The following AMBRA1 variants were observed in gnomAD, a reference collection of about 807,000 sequenced individuals.
AMBRA1 encodes the protein activating molecule in BECN1-regulated autophagy protein 1.
A neutral mutation model predicts 125.4 loss-of-function variants in AMBRA1; 47 were observed. That is an observed-to-expected ratio of 0.37 (90% CI 0.30 to 0.48). The LOEUF is 0.48. Ranked by LOEUF, AMBRA1 falls within the 20% of genes least tolerant of loss-of-function variation. AMBRA1 has a pLI of 0.99. For synonymous variants in AMBRA1, 626 were observed against 655.5 expected (o/e 0.95, Z 0.69); for missense variants, 1,331 against 1,693.4 (o/e 0.79, Z 3.76).
intron 11 of AMBRA1, 41 bp downstream of exon 11, chr11:46,493,567 G>T: frequency 1.3e-6 from 2 of 1,504,784 alleles, no homozygotes; most frequent in Non-Finnish European, 1.8e-6. Context: ...CTGGCTCCTT[G>T]GCCCTTCACA....
chr11:46,473,513 T>C (rs1949688426), intron 11 of AMBRA1, among the ~76,000 whole-genome samples: 1 of 152,246 alleles, frequency 6.6e-6, no homozygotes, highest in African/African-American at 2.4e-5. Flanking sequence ...TTCTTCCTGT[T>C]ACTTGTGGGG....
chr11:46,571,953 G>A (rs1438076914), intron 1 of AMBRA1, among the ~76,000 whole-genome samples: 1 of 152,052 alleles, frequency 6.6e-6, no homozygotes, highest in Non-Finnish European at 1.5e-5. Context: ...CTCCCAAAGT[G>A]CTGAGATTAC....
chr11:46,552,826 A>G (rs1305169633), intron 1 of AMBRA1, among the ~76,000 whole-genome samples: 1 of 152,132 alleles, frequency 6.6e-6, no homozygotes, highest in African/African-American at 2.4e-5. Flanking sequence ...AATACTAACC[A>G]TGGTTGTCTC....
At chr11:46,478,811 T>C (rs1324452856) in intron 11 of AMBRA1, among the ~76,000 whole-genome samples, 2 of 151,912 alleles carry the variant, frequency 1.3e-5, no homozygotes, top group African/African-American at 2.4e-5. Context: ...TGCACCACCA[T>C]GCCCGAAGAT....
chr11:46,404,622 GA>G (rs1299991586), intron 17 of AMBRA1, among the ~76,000 whole-genome samples: 2 of 152,172 alleles, frequency 1.3e-5, no homozygotes, highest in Non-Finnish European at 2.9e-5. Flanking sequence ...CAGGCAGGCA[GA>G]AGCAGCCAGC....
At chr11:46,415,959 T>C (rs2136641968) in intron 15 of AMBRA1, among the ~76,000 whole-genome samples, 1 of 152,282 alleles carries the variant, frequency 6.6e-6, no homozygotes, top group African/African-American at 2.4e-5. Context: ...AGGCTGGGGT[T>C]TCAGACATAA....
intron 11 of AMBRA1, among the ~76,000 whole-genome samples, chr11:46,492,452 C>G (rs1299332866): frequency 6.6e-6 from 1 of 152,202 alleles, no homozygotes; most frequent in Non-Finnish European, 1.5e-5. Context: ...CCAGATTCTC[C>G]AAAACAGAAT....
At chr11:46,443,717 T>C (rs368936055) in intron 11 of AMBRA1, 119 bp from the exon 12 acceptor site, 2 of 812,816 alleles carry the variant, frequency 2.5e-6, no homozygotes. Flanking sequence ...AGACTATGGC[T>C]GAAGAAAGCT....
chr11:46,441,058 G>A (rs867122256), intron 12 of AMBRA1, among the ~76,000 whole-genome samples: 3 of 152,252 alleles, frequency 2.0e-5, no homozygotes, highest in Middle Eastern at 6.8e-3. Context: ...CTAACAATCT[G>A]ACAGAAGACA....
rs1140566 is a variant in AMBRA1 at position 46,428,769 on chromosome 11, T to C, written c.2976+4705A>G. 8 of 1,611,098 alleles carry C rather than the reference T, an allele frequency of 5.0e-6. No homozygotes were observed. The South Asian group carries it at 8.8e-5, about 18-fold the overall frequency. ...GCACCAGGTGGCACAGCACTCCGTC[T>C]GTAGGTATCTCTGTCAGCTTCCCCT... On this transcript the variant is annotated intron_variant, in intron 14 of 17. Transcript: ENST00000683756.
At chr11:46,580,103 T>C (rs968859541) in intron 1 of AMBRA1, among the ~76,000 whole-genome samples, 1 of 152,226 alleles carries the variant, frequency 6.6e-6, no homozygotes, top group Non-Finnish European at 1.5e-5. Flanking sequence ...CTGGCCCTAC[T>C]TTCCTCCAAT....
intron 14 of AMBRA1, among the ~76,000 whole-genome samples, chr11:46,420,966 G>T (rs1946820329): frequency 6.6e-6 from 1 of 152,158 alleles, no homozygotes; most frequent in Non-Finnish European, 1.5e-5. Flanking sequence ...AAGAATAAAA[G>T]ACCTCTTTCC....
intron 11 of AMBRA1, among the ~76,000 whole-genome samples, chr11:46,469,484 T>C (rs1949480901): frequency 6.6e-6 from 1 of 152,112 alleles, no homozygotes; most frequent in Admixed American, 6.6e-5. Flanking sequence ...CTGACAATCT[T>C]GAAGGAGACA....
At chr11:46,581,905 C>A (rs2044188092) in intron 1 of AMBRA1, among the ~76,000 whole-genome samples, 1 of 151,598 alleles carries the variant, frequency 6.6e-6, no homozygotes, top group African/African-American at 2.4e-5. Flanking sequence ...GCTCTTGAGT[C>A]CAGGAGTTTG....
At chr11:46,500,693 T>C (rs948356606) in intron 9 of AMBRA1, among the ~76,000 whole-genome samples, 7 of 152,182 alleles carry the variant, frequency 4.6e-5, no homozygotes, top group Admixed American at 4.6e-4. Flanking sequence ...GTAAATCTCC[T>C]GTCTCTACGC....
At chr11:46,434,337 A>T (rs1947607410) in intron 13 of AMBRA1, among the ~76,000 whole-genome samples, 1 of 151,964 alleles carries the variant, frequency 6.6e-6, no homozygotes, top group Admixed American at 6.6e-5. Context: ...AAAAAAAACA[A>T]AAAACACTTA....
At chr11:46,401,529 C>T (rs1945759216) in intron 17 of AMBRA1, among the ~76,000 whole-genome samples, 1 of 152,202 alleles carries the variant, frequency 6.6e-6, no homozygotes, top group Non-Finnish European at 1.5e-5. Context: ...CCACCGCACC[C>T]AGCTCAGCTC....
chr11:46,453,261 CT>C (rs1206042700), intron 11 of AMBRA1, among the ~76,000 whole-genome samples: 5,734 of 146,976 alleles, frequency 0.039, 358 homozygotes, highest in African/African-American at 0.13. Context: ...CAGTACTTCA[CT>C]TTTTTTTTTT....
intron 11 of AMBRA1, among the ~76,000 whole-genome samples, chr11:46,453,326 T>C (rs1012250309): frequency 6.6e-6 from 1 of 152,056 alleles, no homozygotes; most frequent in Admixed American, 6.6e-5. Context: ...AATGTAGTGG[T>C]GCAATCACAG....
Sources: gnomAD v4.1 joint callset for allele counts (sites outside exome capture counted in the v4.1 genomes callset) on GRCh38, gnomAD v4.1.1 for gene constraint, MANE v1.5 for transcripts, NCBI Gene and HGNC (gene_info 2026-07-23, HGNC 2026-07-21) for gene names.